The following VSNL1 variants were observed in gnomAD, a reference collection of about 807,000 sequenced individuals.
VSNL1 encodes visinin like 1.
In VSNL1, 6 loss-of-function variants were observed where a neutral mutation model predicts 20.4. The observed-to-expected ratio is 0.29, with a 90% CI of 0.16 to 0.58. The LOEUF is 0.58. VSNL1 is among the 20% of genes least tolerant of loss of function. The probability of loss-of-function intolerance (pLI) is 0.90; values close to 1 mark genes in which losing one functional copy is unlikely to be tolerated. For missense variants in VSNL1, 100 were observed against 234.5 expected (o/e 0.43, Z 3.75); for synonymous variants, 93 against 86.4 (o/e 1.08, Z -0.42).
chr2:17,620,647 A>G (rs1665332980), intron 2 of VSNL1, among the ~76,000 whole-genome samples: 1 of 152,216 alleles, frequency 6.6e-6, no homozygotes, highest in Non-Finnish European at 1.5e-5. Context: ...GAAGGTGAGC[A>G]TTATGCTATT....
At chr2:17,580,577 AG>A (rs1488846980) in intron 1 of VSNL1, among the ~76,000 whole-genome samples, 2 of 152,232 alleles carry the variant, frequency 1.3e-5, no homozygotes, top group African/African-American at 4.8e-5. Context: ...CTTTTGCAAA[AG>A]TCTGTGTCCT....
In VSNL1 at chr2:17,642,792, C is replaced by T. The variant is rs372774642; in HGVS notation, c.163-6618C>T. On this transcript the variant is annotated intron_variant, in intron 2 of 3. Coordinates refer to ENST00000295156, the MANE Select transcript of VSNL1 (RefSeq NM_003385.5). ...AAATTGCTTATCTTGTCCCGGGAGG[C>T]GAAAGCCCCTTCTCTAGAAATTTAG... Among the ~76,000 whole-genome samples, 104 of 152,296 alleles carry T rather than the reference C, an allele frequency of 6.8e-4. No homozygotes were observed. The South Asian group carries it at 0.021, about 30-fold the overall frequency.
chr2:17,553,115 G>T (rs1314636032), intron 1 of VSNL1, among the ~76,000 whole-genome samples: 1 of 152,152 alleles, frequency 6.6e-6, no homozygotes, highest in East Asian at 1.9e-4. Flanking sequence ...AAGGAAAAAT[G>T]GAATAGTAGG....
intron 1 of VSNL1, among the ~76,000 whole-genome samples, chr2:17,584,634 G>A (rs1025674806): frequency 1.3e-5 from 2 of 152,142 alleles, no homozygotes; most frequent in Non-Finnish European, 2.9e-5. Context: ...TAAAAAGACA[G>A]CTCAGGTGGA....
chr2:17,555,336 T>G (rs991422432), intron 1 of VSNL1, among the ~76,000 whole-genome samples: 2 of 152,144 alleles, frequency 1.3e-5, no homozygotes, highest in Admixed American at 1.3e-4. Flanking sequence ...AAAAGTCCAT[T>G]ATTTTTGTCA....
intron 2 of VSNL1, among the ~76,000 whole-genome samples, chr2:17,616,715 T>G (rs1366468000): frequency 2.0e-5 from 3 of 152,206 alleles, no homozygotes; most frequent in Non-Finnish European, 4.4e-5. Context: ...AAGGTTGGTT[T>G]GAGGATTTCC....
chr2:17,547,153 C>T (rs1471465616), intron 1 of VSNL1, among the ~76,000 whole-genome samples: 3 of 151,906 alleles, frequency 2.0e-5, no homozygotes, highest in African/African-American at 7.2e-5. Context: ...TATATTAATA[C>T]TTAGACAAAA....
At position 17,614,111 on chromosome 2, in the gene VSNL1, C is replaced by T. The variant is rs373280527; in HGVS notation, c.162+21875C>T. ...GGGATAGAATTCCAGGAGATGGGCC[C>T]TAGTGGGGAGGGCATCACACCAGGA... is the stretch of plus-strand genomic sequence containing the variant. On this transcript the variant is annotated intron_variant, in intron 2 of 3. Coordinates refer to ENST00000295156, the MANE Select transcript of VSNL1 (RefSeq NM_003385.5). Among the ~76,000 whole-genome samples the T allele has an allele frequency of 2.0e-4, 30 of 152,294 alleles. No homozygotes were observed. The South Asian group carries it at 5.6e-3, about 28-fold the overall frequency.
At chr2:17,592,376 T>A in intron 2 of VSNL1, 140 bp downstream of exon 2, 1 of 930,650 alleles carries the variant, frequency 1.1e-6, no homozygotes, top group African/African-American at 1.7e-5. Context: ...AAAGAAAAAT[T>A]AACATTTAAA....
intron 1 of VSNL1, among the ~76,000 whole-genome samples, chr2:17,554,908 C>A (rs189852204): frequency 2.0e-5 from 3 of 152,208 alleles, no homozygotes; most frequent in South Asian, 2.1e-4. Context: ...GAAACATGAT[C>A]TTTTCAATTA....
rs1407607354 is a variant in VSNL1, at chr2:17,634,275, C to G, written c.163-15135C>G. ...GAAGGACCCCACACTTGGCTTACTG[C>G]TCTGCTGCTGCCATCTTGATTCTTA... is the stretch of plus-strand genomic sequence containing the variant. On this transcript the variant is annotated intron_variant, in intron 2 of 3. Transcript: ENST00000295156. This position sits in a 1 kb window ranked among gnomAD's most constrained non-coding sequence, Gnocchi z 4.3. Among the ~76,000 whole-genome samples, 1 of 152,194 alleles carries G rather than the reference C, an allele frequency of 6.6e-6. No individual in the cohort carries two copies. Among genetic ancestry groups the G allele is most frequent in the Non-Finnish European group, 1.5e-5 (1 of 68,034 alleles).
intron 1 of VSNL1, among the ~76,000 whole-genome samples, chr2:17,568,265 T>C (rs973605406): frequency 1.3e-5 from 2 of 151,884 alleles, no homozygotes; most frequent in Non-Finnish European, 2.9e-5. Context: ...CAATTCGGCT[T>C]TGTTTGTTTG....
At chr2:17,562,013 C>T (rs1180637169) in intron 1 of VSNL1, among the ~76,000 whole-genome samples, 1 of 152,144 alleles carries the variant, frequency 6.6e-6, no homozygotes, top group Non-Finnish European at 1.5e-5. Flanking sequence ...TGCAATGCCC[C>T]CAGACTACTG....
At chr2:17,599,613 TTCTC>T (rs1046686876) in intron 2 of VSNL1, among the ~76,000 whole-genome samples, 1 of 152,166 alleles carries the variant, frequency 6.6e-6, no homozygotes, top group East Asian at 1.9e-4. Flanking sequence ...TTCTCTCTTG[TTCTC>T]TCTCTCTTGT....
chr2:17,628,699 A>G (rs1047284929), intron 2 of VSNL1, among the ~76,000 whole-genome samples: 7 of 152,170 alleles, frequency 4.6e-5, no homozygotes, highest in African/African-American at 1.7e-4. Flanking sequence ...TCTGAGATAT[A>G]AGGGAGGTCT....
chr2:17,545,577 G>A (rs1248738157), intron 1 of VSNL1, among the ~76,000 whole-genome samples: 3 of 152,092 alleles, frequency 2.0e-5, no homozygotes, highest in Non-Finnish European at 4.4e-5. Context: ...CACCCTGTGA[G>A]GGGACCACAT....
At chr2:17,622,723 G>A (rs1665415530) in intron 2 of VSNL1, among the ~76,000 whole-genome samples, 1 of 152,306 alleles carries the variant, frequency 6.6e-6, no homozygotes, top group Non-Finnish European at 1.5e-5. Context: ...ATAGAAGTGT[G>A]AGGAAAATGG....
chr2:17,636,400 G>A (rs930111915), intron 2 of VSNL1, among the ~76,000 whole-genome samples: 3 of 152,170 alleles, frequency 2.0e-5, no homozygotes, highest in Non-Finnish European at 4.4e-5. Flanking sequence ...ACCAGTGGAT[G>A]CTCACACCAT....
intron 1 of VSNL1, among the ~76,000 whole-genome samples, chr2:17,581,927 G>A (rs113549214): frequency 1.1e-4 from 17 of 152,344 alleles, no homozygotes; most frequent in African/African-American, 4.1e-4. Context: ...ACCCCCATCT[G>A]TGAGATGGGA....
Sources: gnomAD v4.1 joint callset for allele counts (sites outside exome capture counted in the v4.1 genomes callset) on GRCh38, gnomAD v4.1.1 for gene constraint, Gnocchi (gnomAD v3.1) non-coding constraint, MANE v1.5 for transcripts, NCBI Gene and HGNC (gene_info 2026-07-23, HGNC 2026-07-21) for gene names.